PRR5: variants seen among roughly 807,000 people sequenced by gnomAD.
The protein encoded by PRR5 is proline-rich protein 5.
PRR5 carries 25 observed loss-of-function variants against 30.6 expected under a neutral mutation model. The ratio of observed to expected loss-of-function variants is 0.82; its 90% CI spans 0.60 to 1.14. The LOEUF (loss-of-function observed/expected upper bound fraction) is 1.14. PRR5 is among the 50% of genes most tolerant of loss of function. PRR5 has a pLI of 0.00. For missense variants in PRR5, 600 were observed against 547.1 expected (o/e 1.10, Z -0.96); for synonymous variants, 286 against 247.1 (o/e 1.16, Z -1.48).
rs114404426 is a variant in PRR5 at position 44,703,678 on chromosome 22, C to G, written c.134+1070C>G. 4.6e-3 allele frequency among the ~76,000 whole-genome samples: 695 copies of G among 152,240 alleles called. 5 individuals carry two copies. Among genetic ancestry groups the G allele is most frequent in the African/African-American group, 0.016 (658 of 41,532 alleles). On this transcript the variant is annotated intron_variant, in intron 1 of 7. Transcript: ENST00000336985. ...GTGTGGGAACAGTGAAGGAAGGACTCCTGTTGGGAAATCTCCCTGACCCAA... is the reference window on the plus strand; with the variant it reads ...GTGTGGGAACAGTGAAGGAAGGACTGCTGTTGGGAAATCTCCCTGACCCAA...
chr22:44,722,692 G>T (rs775112518), intron 2 of PRR5, among the ~76,000 whole-genome samples: 6 of 152,194 alleles, frequency 3.9e-5, no homozygotes, highest in Non-Finnish European at 7.3e-5. Flanking sequence ...TATGTTTATT[G>T]CATCTCCACC....
At chr22:44,736,382 C>T (rs1433704886) in intron 7 of PRR5, among the ~76,000 whole-genome samples, 1 of 152,234 alleles carries the variant, frequency 6.6e-6, no homozygotes, top group East Asian at 1.9e-4. Flanking sequence ...ACACCAGCTC[C>T]AGTGGGGCAG....
At chr22:44,675,992 G>T (rs567861770), upstream of PRR5, among the ~76,000 whole-genome samples, 3 of 151,974 alleles carry the variant, frequency 2.0e-5, no homozygotes, top group East Asian at 3.9e-4. Flanking sequence ...ATCTCATTTT[G>T]TCCCCCATGA....
chr22:44,732,179 C>T (rs976436636), intron 5 of PRR5, 72 bp from the exon 6 acceptor site: 20 of 1,579,188 alleles, frequency 1.3e-5, no homozygotes, highest in Non-Finnish European at 1.7e-5. Context: ...CTGTGGGGTC[C>T]CAGGACCGGG....
upstream of PRR5, among the ~76,000 whole-genome samples, chr22:44,676,554 G>C (rs982327827): frequency 6.6e-6 from 1 of 152,132 alleles, no homozygotes; most frequent in Non-Finnish European, 1.5e-5. Context: ...CAATGGCCCT[G>C]GGCCAGCAGG....
chr22:44,699,648 G>A (rs973650328), upstream of PRR5, among the ~76,000 whole-genome samples: 4 of 152,142 alleles, frequency 2.6e-5, no homozygotes, highest in East Asian at 1.9e-4. Context: ...AAGTTGTTAC[G>A]GTTCTTGCCC....
At chr22:44,724,619 G>A (rs547037818) in intron 2 of PRR5, among the ~76,000 whole-genome samples, 33 of 152,310 alleles carry the variant, frequency 2.2e-4, no homozygotes, top group African/African-American at 3.6e-4. Flanking sequence ...CTGGAGGTAT[G>A]TAGGGAGGGA....
intron 1 of PRR5, among the ~76,000 whole-genome samples, chr22:44,680,129 G>C (rs1924141870): frequency 6.6e-6 from 1 of 152,202 alleles, no homozygotes; most frequent in Non-Finnish European, 1.5e-5. Flanking sequence ...CAGAATGGAG[G>C]GTGCTCGGGG....
Position 44,691,943 on chromosome 22 carries a change from G to A in PRR5, c.-10-10549G>A, listed in dbSNP as rs922735721. On this transcript the variant is annotated intron_variant, in intron 1 of 8. Coordinates refer to the PRR5 transcript ENST00000006251. The surrounding 1 kb of genome is among the most constrained non-coding windows in gnomAD (Gnocchi z 4.4). Reference sequence around the variant, plus strand: ...AGGAGCCGACATCACCTCCACAGTCGGCTCTGTGGGCTCAATTGATGCCAT... The same window carrying A: ...AGGAGCCGACATCACCTCCACAGTCAGCTCTGTGGGCTCAATTGATGCCAT... Among the ~76,000 whole-genome samples, 6 of 152,000 alleles carry A rather than the reference G, an allele frequency of 3.9e-5. No individual in the cohort carries two copies. Among genetic ancestry groups the A allele is most frequent in the African/African-American group, 1.2e-4 (5 of 41,368 alleles).
chr22:44,730,380 T>G, intron 4 of PRR5: 1 of 984,936 alleles, frequency 1.0e-6, no homozygotes, highest in Non-Finnish European at 1.2e-6. Context: ...GACACGTCCT[T>G]GGACTGTGCA....
chr22:44,701,984 C>G (rs187778740), upstream of PRR5, among the ~76,000 whole-genome samples: 1,165 of 152,172 alleles, frequency 7.7e-3, 23 homozygotes, highest in African/African-American at 0.027. Context: ...CCTGTGGGCA[C>G]GTGGGGCCCT....
intron 2 of PRR5, among the ~76,000 whole-genome samples, chr22:44,722,206 C>G (rs1930044526): frequency 6.6e-6 from 1 of 152,262 alleles, no homozygotes; most frequent in East Asian, 1.9e-4. Flanking sequence ...CTAAGGGAAG[C>G]TGCTGGCCAG....
At chr22:44,715,072 T>C (rs1207104775) in intron 2 of PRR5, among the ~76,000 whole-genome samples, 1 of 152,226 alleles carries the variant, frequency 6.6e-6, no homozygotes, top group Non-Finnish European at 1.5e-5. Flanking sequence ...GGGAGTGTTA[T>C]TCCCGGAAAA....
At chr22:44,693,180 C>T (rs772176050) in intron 1 of PRR5, among the ~76,000 whole-genome samples, 31 of 152,178 alleles carry the variant, frequency 2.0e-4, no homozygotes, top group South Asian at 4.1e-4. Context: ...ATCTCATTCT[C>T]TCACAGTTCT....
At chr22:44,718,157 T>C (rs181410819) in intron 2 of PRR5, among the ~76,000 whole-genome samples, 29 of 151,248 alleles carry the variant, frequency 1.9e-4, no homozygotes, top group South Asian at 8.4e-4. Flanking sequence ...AACATCTGTG[T>C]GCAAGAATTT....
intron 4 of PRR5, chr22:44,731,055 A>G (rs148499538): frequency 1.3e-3 from 383 of 295,188 alleles, no homozygotes; most frequent in Non-Finnish European, 1.9e-3. Context: ...GGAAGGAGGG[A>G]GGAGGTCGGT....
At chr22:44,673,235 T>C (rs1234373548), upstream of PRR5, among the ~76,000 whole-genome samples, 1 of 152,228 alleles carries the variant, frequency 6.6e-6, no homozygotes, top group Non-Finnish European at 1.5e-5. Context: ...CTGGCCCTGG[T>C]TCCACTGCTT....
At chr22:44,687,419 A>G (rs1385007708) in intron 1 of PRR5, among the ~76,000 whole-genome samples, 1 of 152,090 alleles carries the variant, frequency 6.6e-6, no homozygotes. Context: ...CCACTTTCTC[A>G]TCGGTTGGGT....
chr22:44,708,533 A>G (rs1260371405), intron 1 of PRR5, among the ~76,000 whole-genome samples: 1 of 152,052 alleles, frequency 6.6e-6, no homozygotes, highest in Non-Finnish European at 1.5e-5. Context: ...CCCCAGCAAC[A>G]CCGTGCTCCC....
Sources: gnomAD v4.1 joint callset for allele counts (sites outside exome capture counted in the v4.1 genomes callset) on GRCh38, gnomAD v4.1.1 for gene constraint, Gnocchi (gnomAD v3.1) non-coding constraint, MANE v1.5 for transcripts, NCBI Gene and HGNC (gene_info 2026-07-23, HGNC 2026-07-21) for gene names.